The following ARID1B variants were observed in gnomAD, a reference collection of about 807,000 sequenced individuals.
The protein encoded by ARID1B is AT-rich interactive domain-containing protein 1B.
Under a neutral mutation model 212.3 loss-of-function variants are expected in ARID1B, and 30 were observed. The observed-to-expected ratio is 0.14, with a 90% CI of 0.11 to 0.19. The LOEUF is 0.19. ARID1B is among the 10% of genes least tolerant of loss of function. ARID1B has a pLI of 1.00. For synonymous variants in ARID1B, 1,402 were observed against 1,301.7 expected (o/e 1.08, Z -1.66); for missense variants, 2,891 against 3,204.0 (o/e 0.90, Z 2.36).
At chr6:156,859,963 ATTAATT>A (rs980562392) in intron 2 of ARID1B, among the ~76,000 whole-genome samples, 1 of 152,102 alleles carries the variant, frequency 6.6e-6, no homozygotes, top group Non-Finnish European at 1.5e-5. Flanking sequence ...AGAGAGAGAG[ATTAATT>A]TTAAGAGAGT....
intron 2 of ARID1B, among the ~76,000 whole-genome samples, chr6:156,887,385 G>C (rs1787597246): frequency 6.6e-6 from 1 of 152,160 alleles, no homozygotes; most frequent in African/African-American, 2.4e-5. Context: ...TTGGACCCTT[G>C]CATGATTACC....
intron 4 of ARID1B, among the ~76,000 whole-genome samples, chr6:156,970,522 C>A (rs1776855888): frequency 6.6e-6 from 1 of 152,208 alleles, no homozygotes. Flanking sequence ...ACTGAGTCTG[C>A]TATGATGTTG....
chr6:157,209,286 T>C lies in ARID1B; in HGVS notation c.*1395T>C, dbSNP rs1386667260. ...CACTGTGATGGGTGTTCTTGAATAC[T>C]GTTCTAGTTTCCTTAAAGTGGTTTC... On this transcript the variant is annotated 3_prime_UTR_variant, in exon 20 of 20. Coordinates refer to ENST00000636930, the MANE Select transcript of ARID1B (RefSeq NM_001374828.1). 3 of 232,340 alleles carry C rather than the reference T, an allele frequency of 1.3e-5. No homozygotes were observed. The highest frequency in any genetic ancestry group is 6.6e-5 in the African/African-American group (3 of 45,286). The allele number at this position is 232,340 out of a possible 1,614,324, so 14.4% of individuals were successfully genotyped here.
chr6:156,961,860 A>T (rs2128324319), intron 4 of ARID1B, among the ~76,000 whole-genome samples: 1 of 152,248 alleles, frequency 6.6e-6, no homozygotes, highest in East Asian at 1.9e-4. Flanking sequence ...CAAAATAAAC[A>T]TAATGTTGGG....
At chr6:157,006,198 G>C (rs1392302447) in intron 4 of ARID1B, among the ~76,000 whole-genome samples, 1 of 152,162 alleles carries the variant, frequency 6.6e-6, no homozygotes, top group East Asian at 1.9e-4. Flanking sequence ...AACCATCTCT[G>C]AGCTCTGTCA....
At chr6:156,803,428 C>T (rs1780927120) in intron 1 of ARID1B, among the ~76,000 whole-genome samples, 1 of 152,098 alleles carries the variant, frequency 6.6e-6, no homozygotes, top group Admixed American at 6.5e-5. Context: ...CCTTTCGTTT[C>T]AGTGTTCTCT....
rs1331367859 is a variant in ARID1B at position 156,778,973 on chromosome 6, A to C, written c.1293A>C (p.Ala431=). Residue 431 remains alanine (A), a synonymous_variant, in exon 1 of 20, where the codon GCA becomes GCC. Transcript: ENST00000636930. ...AVAAAAAAAA[A]AAGGGGGGGY... is the part of the protein sequence containing the mutation. The stretch of plus-strand genomic sequence containing the variant: ...CGGCGGCGGCCGCGGCGGCGGCGGC[A>C]GCAGCAGGAGGCGGCGGCGGCGGCG... 3.1e-5 allele frequency: 40 copies of C among 1,272,444 alleles called. No individual in the cohort carries two copies. The highest frequency in any genetic ancestry group is 2.9e-4 in the Middle Eastern group (1 of 3,390). 78.8% of individuals were successfully genotyped at this position (1,272,444 alleles called of 1,614,324 possible).
Position 156,857,181 on chromosome 6 carries a change from C to T in ARID1B, c.1986+27760C>T, listed in dbSNP as rs144292936. Among the ~76,000 whole-genome samples the T allele has an allele frequency of 2.0e-4, 30 of 152,276 alleles. No individual in the cohort carries two copies. In the East Asian group the frequency reaches 2.9e-3, roughly 15 times the overall value. ...ACCAAAAGTATTACCATTTTCCAGA[C>T]GAGGAAATTGAGGCTTAGGTTAAGT... On this transcript the variant is annotated intron_variant, in intron 2 of 19. Coordinates refer to ENST00000636930, the MANE Select transcript of ARID1B (RefSeq NM_001374828.1).
chr6:157,206,310 C>T lies in ARID1B; in HGVS notation c.5538C>T (p.Ser1846=), dbSNP rs1794445765. The change falls in exon 20 of 20, where the codon TCC becomes TCT. Residue 1846 remains serine, a synonymous_variant. Transcript: ENST00000636930. This position sits in a 1 kb window ranked among gnomAD's most constrained non-coding sequence, Gnocchi z 6.8. The part of the protein sequence containing the change: ...HNAARKDDSQ[S]LADDSGKEEE... ...CAGCAAGGAAGGATGACAGCCAGTC[C>T]TTGGCAGACGATTCTGGGAAAGAGG... 1.2e-6 allele frequency: 2 copies of T among 1,614,184 alleles called. No homozygotes were observed. Among genetic ancestry groups the T allele is most frequent in the Non-Finnish European group, 8.5e-7 (1 of 1,180,038 alleles).
At chr6:156,792,815 T>C (rs756963097) in intron 1 of ARID1B, among the ~76,000 whole-genome samples, 1 of 152,232 alleles carries the variant, frequency 6.6e-6, no homozygotes, top group Non-Finnish European at 1.5e-5. Context: ...CTGTCATAGA[T>C]ACCTGGCTCT....
chr6:157,206,736 T>G lies in ARID1B; in HGVS notation c.5964T>G (p.Ser1988=), dbSNP rs565400330. Residue 1988 remains serine, a synonymous_variant, in exon 20 of 20, where the codon TCT becomes TCG. Coordinates refer to ENST00000636930, the MANE Select transcript of ARID1B (RefSeq NM_001374828.1). The surrounding 1 kb of genome is among the most constrained non-coding windows in gnomAD (Gnocchi z 6.8). ...AAGAGCAAGAAGGCAAAGGCGACTC[T>G]GAAGAGCAGCAAGAGAAAAGCATCA... ...RKKEQEGKGD[S]EEQQEKSIIA... is the part of the protein sequence containing the mutation. The G allele has an allele frequency of 1.9e-5, 31 of 1,613,166 alleles. No homozygotes were observed. Among genetic ancestry groups the G allele is most frequent in the Non-Finnish European group, 2.5e-5 (30 of 1,180,008 alleles).
intron 4 of ARID1B, among the ~76,000 whole-genome samples, chr6:157,050,466 C>T (rs1782526567): frequency 6.6e-6 from 1 of 152,114 alleles, no homozygotes; most frequent in South Asian, 2.1e-4. Context: ...ATTGCTTGAA[C>T]CCAGGAGGCG....
intron 5 of ARID1B, among the ~76,000 whole-genome samples, chr6:157,099,447 A>C (rs550537430): frequency 6.6e-6 from 1 of 152,274 alleles, no homozygotes; most frequent in South Asian, 2.1e-4. Flanking sequence ...TATTAAACCA[A>C]CTTGCAAGGG....
chr6:157,173,985 C>T (rs375424657), intron 9 of ARID1B, 23 bp from the exon 10 acceptor site: 2 of 1,596,088 alleles, frequency 1.3e-6, no homozygotes, highest in Non-Finnish European at 1.7e-6. Context: ...TAATCCTAAA[C>T]TCTTTCTCCT....
intron 8 of ARID1B, among the ~76,000 whole-genome samples, chr6:157,155,772 G>A (rs1322752282): frequency 6.6e-6 from 1 of 152,128 alleles, no homozygotes; most frequent in Non-Finnish European, 1.5e-5. Context: ...GCTGTTGGAG[G>A]AGCTGAATAT....
Position 157,122,574 on chromosome 6 carries a change from G to A in ARID1B, c.2582-10454G>A, listed in dbSNP as rs114072559. Among the ~76,000 whole-genome samples the A allele has an allele frequency of 6.2e-3, 948 of 152,338 alleles. 11 individuals carry two copies. Among genetic ancestry groups the A allele is most frequent in the Middle Eastern group, 0.027 (8 of 294 alleles). ...GCATGTGGTGGAAACGCGCTTGCCC[G>A]GGTCGGGCTCATACCCTCACACAAG... On this transcript the variant is annotated intron_variant, in intron 6 of 19. Transcript: ENST00000636930.
intron 4 of ARID1B, among the ~76,000 whole-genome samples, chr6:156,950,720 T>G (rs945266777): frequency 2.0e-5 from 3 of 152,146 alleles, no homozygotes; most frequent in Admixed American, 1.3e-4. Context: ...TAAAGGTAAC[T>G]GGGGAAGTTA....
intron 19 of ARID1B, 54 bp downstream of exon 19, chr6:157,204,050 C>T (rs887246421): frequency 1.2e-6 from 2 of 1,606,326 alleles, no homozygotes; most frequent in South Asian, 2.2e-5. Context: ...AGCATCAGGC[C>T]ATGCACATTT....
At chr6:156,795,130 T>C (rs1780274450) in intron 1 of ARID1B, among the ~76,000 whole-genome samples, 1 of 152,208 alleles carries the variant, frequency 6.6e-6, no homozygotes, top group African/African-American at 2.4e-5. Flanking sequence ...TCAGCAGCCA[T>C]TTAGAGGAAA....
Sources: gnomAD v4.1 joint callset for allele counts (sites outside exome capture counted in the v4.1 genomes callset) on GRCh38, gnomAD v4.1.1 for gene constraint, Gnocchi (gnomAD v3.1) non-coding constraint, MANE v1.5 for transcripts, NCBI Gene and HGNC (gene_info 2026-07-23, HGNC 2026-07-21) for gene names.